The following ZFHX3 variants were observed in gnomAD, a reference collection of about 807,000 sequenced individuals.
ZFHX3 encodes zinc finger homeobox protein 3.
ZFHX3 carries 42 observed loss-of-function variants against 279.1 expected under a neutral mutation model. That is an observed-to-expected ratio of 0.15 (90% CI 0.12 to 0.19). The LOEUF (loss-of-function observed/expected upper bound fraction) is 0.19. ZFHX3 is among the 10% of genes least tolerant of loss of function. The pLI, the probability that ZFHX3 is intolerant of heterozygous loss-of-function variation, is 1.00. For synonymous variants in ZFHX3, 2,293 were observed against 1,957.8 expected (o/e 1.17, Z -4.52); for missense variants, 4,981 against 4,754.0 (o/e 1.05, Z -1.40).
chr16:73,248,484 A>G (rs2013374382), intron 5 of ZFHX3, among the ~76,000 whole-genome samples: 1 of 150,854 alleles, frequency 6.6e-6, no homozygotes, highest in Non-Finnish European at 1.5e-5. Flanking sequence ...TAATATGTAT[A>G]TGTGTCTATG....
intron 1 of ZFHX3, among the ~76,000 whole-genome samples, chr16:73,681,048 G>A (rs534615787): frequency 6.6e-6 from 1 of 152,320 alleles, no homozygotes; most frequent in South Asian, 2.1e-4. Flanking sequence ...TTTATACAAT[G>A]TTAGACCACC....
intron 1 of ZFHX3, chr16:73,015,703 C>A (rs2144635847): frequency 6.6e-6 from 1 of 152,342 alleles, no homozygotes; most frequent in African/African-American, 2.4e-5. Flanking sequence ...AAGCCAGGGC[C>A]CGTGCACGCT....
chr16:73,041,006 A>G (rs546039967), intron 1 of ZFHX3, among the ~76,000 whole-genome samples: 1 of 152,364 alleles, frequency 6.6e-6, no homozygotes, highest in South Asian at 2.1e-4. Context: ...CAGAGGAAAG[A>G]GCAGAGGCCA....
At position 73,275,067 on chromosome 16, in the gene ZFHX3, A is replaced by G. The variant is rs987229551; in HGVS notation, c.-1193-17931T>C. Among the ~76,000 whole-genome samples the G allele has an allele frequency of 1.3e-5, 2 of 152,302 alleles. 1 individual carries two copies. ...AGAGCCTGCTAATTTCCCACCTTTT[A>G]TGAAGCACATTTAGTCTATATCACT... On this transcript the variant is annotated intron_variant, in intron 4 of 17. Transcript: ENST00000641206.
rs1961361430 is a variant in ZFHX3, at chr16:72,958,235, C to G, written c.1911G>C (p.Gly637=). ...CELGVGECPS[G]SGVECPKCDT... ...CGCATTTGGGGCACTCCACGCCACT[C>G]CCCGAGGGGCACTCCCCAACCCCAA... Residue 637 remains glycine (G), a synonymous_variant, in exon 2 of 10, where the codon GGG becomes GGC. Coordinates refer to ENST00000268489, the MANE Select transcript of ZFHX3 (RefSeq NM_006885.4). The G allele has an allele frequency of 8.1e-6, 13 of 1,612,788 alleles. No homozygotes were observed. The highest frequency in any genetic ancestry group is 1.1e-5 in the Non-Finnish European group (13 of 1,178,876).
chr16:73,088,105 G>A (rs1966029893), intron 8 of ZFHX3, among the ~76,000 whole-genome samples: 3 of 151,998 alleles, frequency 2.0e-5, no homozygotes, highest in Middle Eastern at 3.4e-3. Flanking sequence ...TGGGATTATA[G>A]GCGTGAACCA....
At chr16:73,491,501 T>C (rs1360364504) in intron 2 of ZFHX3, among the ~76,000 whole-genome samples, 1 of 152,228 alleles carries the variant, frequency 6.6e-6, no homozygotes, top group East Asian at 1.9e-4. Flanking sequence ...TGTAGGCATG[T>C]GACTTGTGCT....
intron 1 of ZFHX3, among the ~76,000 whole-genome samples, chr16:73,696,274 GTA>G (rs2053196875): frequency 6.6e-6 from 1 of 152,196 alleles, no homozygotes; most frequent in South Asian, 2.1e-4. Flanking sequence ...GCAGCCTTAA[GTA>G]TAGAGAGGTG....
chr16:73,700,097 C>G (rs2142215790), intron 1 of ZFHX3, among the ~76,000 whole-genome samples: 1 of 152,192 alleles, frequency 6.6e-6, no homozygotes, highest in Non-Finnish European at 1.5e-5. Flanking sequence ...ATAGCACACA[C>G]TTATGGTCTC....
intron 2 of ZFHX3, among the ~76,000 whole-genome samples, chr16:73,547,950 A>G (rs2020148500): frequency 1.3e-5 from 2 of 152,238 alleles, no homozygotes; most frequent in Admixed American, 1.3e-4. Context: ...GCTTGAAGCA[A>G]ATAAAGATTT....
At chr16:73,319,932 AC>A (rs1277578237) in intron 3 of ZFHX3, among the ~76,000 whole-genome samples, 1 of 152,194 alleles carries the variant, frequency 6.6e-6, no homozygotes, top group African/African-American at 2.4e-5. Context: ...ATGGCAACAT[AC>A]CTTAGGTCCA....
At chr16:72,996,099 C>T (rs1360139785) in intron 1 of ZFHX3, among the ~76,000 whole-genome samples, 7 of 142,064 alleles carry the variant, frequency 4.9e-5, no homozygotes, top group African/African-American at 2.0e-4. Flanking sequence ...AAAACCCTGT[C>T]TCTACTAAAC....
At chr16:73,196,720 G>A (rs1415626360) in intron 5 of ZFHX3, among the ~76,000 whole-genome samples, 1 of 152,108 alleles carries the variant, frequency 6.6e-6, no homozygotes, top group Non-Finnish European at 1.5e-5. Context: ...ATGACATCTA[G>A]CCCAAATAAT....
intron 5 of ZFHX3, among the ~76,000 whole-genome samples, chr16:73,242,005 T>A (rs975658095): frequency 1.3e-5 from 2 of 152,134 alleles, no homozygotes; most frequent in African/African-American, 4.8e-5. Context: ...GAGGCTTAAA[T>A]GAGATAACAA....
At chr16:73,741,985 G>C (rs895529129) in intron 1 of ZFHX3, among the ~76,000 whole-genome samples, 4 of 152,146 alleles carry the variant, frequency 2.6e-5, no homozygotes, top group Non-Finnish European at 5.9e-5. Flanking sequence ...GAATAAACCA[G>C]AAGTCCAGCT....
chr16:73,112,292 C>A (rs372332485), intron 7 of ZFHX3, among the ~76,000 whole-genome samples: 11 of 151,644 alleles, frequency 7.3e-5, no homozygotes, highest in African/African-American at 2.7e-4. Flanking sequence ...GGAGTCGACA[C>A]AATAGGAAGA....
intron 5 of ZFHX3, among the ~76,000 whole-genome samples, chr16:73,145,435 C>A (rs936048911): frequency 2.6e-5 from 4 of 152,150 alleles, no homozygotes; most frequent in Non-Finnish European, 5.9e-5. Flanking sequence ...CAGCCTCCTG[C>A]GGAGGACCTT....
At chr16:73,864,855 C>G (rs1338355610) in intron 1 of ZFHX3, among the ~76,000 whole-genome samples, 1 of 152,266 alleles carries the variant, frequency 6.6e-6, no homozygotes, top group Admixed American at 6.5e-5. Context: ...TGGCCACATA[C>G]TCATTGCAGC....
chr16:73,186,715 C>A (rs558833257), intron 5 of ZFHX3, among the ~76,000 whole-genome samples: 3 of 151,832 alleles, frequency 2.0e-5, no homozygotes, highest in South Asian at 4.1e-4. Context: ...TTTCTCCTAA[C>A]GATAAAGTTG....
Sources: gnomAD v4.1 joint callset for allele counts (sites outside exome capture counted in the v4.1 genomes callset) on GRCh38, gnomAD v4.1.1 for gene constraint, MANE v1.5 for transcripts, NCBI Gene and HGNC (gene_info 2026-07-23, HGNC 2026-07-21) for gene names.